LDLRAD4: variants seen among roughly 807,000 people sequenced by gnomAD.
LDLRAD4 encodes the protein low-density lipoprotein receptor class A domain-containing protein 4.
Under a neutral mutation model 17.0 loss-of-function variants are expected in LDLRAD4, and 5 were observed. That is an observed-to-expected ratio of 0.29 (90% CI 0.15 to 0.62). The LOEUF (loss-of-function observed/expected upper bound fraction) is 0.62. Ranked by LOEUF, LDLRAD4 falls within the 20% of genes least tolerant of loss-of-function variation. The probability of loss-of-function intolerance (pLI) is 0.84; values close to 1 mark genes in which losing one functional copy is unlikely to be tolerated. For synonymous variants in LDLRAD4, 168 were observed against 171.8 expected, an observed-to-expected ratio of 0.98 and a Z score of 0.17; for missense variants, 340 against 424.7, an observed-to-expected ratio of 0.80 and a Z score of 1.75.
chr18:13,647,563 C>T (rs770159384), exon 6 of LDLRAD4: 2 of 152,290 alleles, frequency 1.3e-5, no homozygotes, highest in African/African-American at 4.8e-5. Flanking sequence ...AGAGACTGTT[C>T]CAAACCCCAA....
intron 3 of LDLRAD4, among the ~76,000 whole-genome samples, chr18:13,474,147 C>G (rs1339489495): frequency 6.6e-6 from 1 of 152,274 alleles, no homozygotes; most frequent in East Asian, 1.9e-4. Flanking sequence ...TTGGAAGCTT[C>G]CTGAGGCTTC....
chr18:13,297,694 GGAGGCCGA>G, intron 1 of LDLRAD4, among the ~76,000 whole-genome samples: 1 of 152,208 alleles, frequency 6.6e-6, no homozygotes, highest in Non-Finnish European at 1.5e-5. Context: ...CAGCTACTTG[GGAGGCCGA>G]GACAGGAGGA....
chr18:13,455,593 T>G (rs1224028949), intron 3 of LDLRAD4, among the ~76,000 whole-genome samples: 1 of 152,108 alleles, frequency 6.6e-6, no homozygotes, highest in South Asian at 2.1e-4. Context: ...TCATTCCCTC[T>G]GATGAGCTGG....
At chr18:13,418,619 A>G (rs2089158567) in intron 2 of LDLRAD4, among the ~76,000 whole-genome samples, 1 of 152,246 alleles carries the variant, frequency 6.6e-6, no homozygotes, top group African/African-American at 2.4e-5. Context: ...GGCACATTGC[A>G]TGTTGTGACA....
At chr18:13,598,995 T>A (rs946772283) in intron 3 of LDLRAD4, among the ~76,000 whole-genome samples, 2 of 152,178 alleles carry the variant, frequency 1.3e-5, no homozygotes, top group Admixed American at 1.3e-4. Flanking sequence ...TAGCCTGCCA[T>A]TCCTCGGATA....
chr18:13,431,773 A>G (rs564601513), intron 2 of LDLRAD4, among the ~76,000 whole-genome samples: 2 of 152,324 alleles, frequency 1.3e-5, no homozygotes, highest in African/African-American at 4.8e-5. Flanking sequence ...ATCATGTCAT[A>G]TTCATCTTTC....
chr18:13,407,030 C>T (rs1365178661), intron 2 of LDLRAD4, among the ~76,000 whole-genome samples: 42 of 152,306 alleles, frequency 2.8e-4, no homozygotes, highest in African/African-American at 7.2e-5. Flanking sequence ...AAACTTAGCA[C>T]GGCGTGGCGG....
chr18:13,643,464 G>GGGGGGGGGGGA, intron 5 of LDLRAD4, 52 bp downstream of exon 6: 1 of 288,994 alleles, frequency 3.5e-6, no homozygotes. Flanking sequence ...GGTGGGTGGG[G>GGGGGGGGGGGA]ATGAAGGGGG....
chr18:13,429,238 A>G (rs1037405669), intron 2 of LDLRAD4, among the ~76,000 whole-genome samples: 6 of 152,204 alleles, frequency 3.9e-5, no homozygotes, highest in Admixed American at 3.9e-4. Context: ...GGACCTGGCC[A>G]GGCGGTGTTG....
At chr18:13,272,588 C>T (rs780183894) in intron 1 of LDLRAD4, among the ~76,000 whole-genome samples, 4 of 152,254 alleles carry the variant, frequency 2.6e-5, no homozygotes, top group Non-Finnish European at 5.9e-5. Flanking sequence ...CACCCCATGC[C>T]GCGTGCTCCG....
chr18:13,532,274 A>G (rs974877329), intron 3 of LDLRAD4, among the ~76,000 whole-genome samples: 6 of 152,236 alleles, frequency 3.9e-5, no homozygotes, highest in African/African-American at 1.2e-4. Flanking sequence ...CTTCTGGAGT[A>G]TGTATTATTC....
chr18:13,333,477 G>C (rs1299947515), intron 1 of LDLRAD4, among the ~76,000 whole-genome samples: 7 of 152,134 alleles, frequency 4.6e-5, no homozygotes, highest in Non-Finnish European at 1.0e-4. Flanking sequence ...TTGAATCTAA[G>C]AAATTGTTGC....
intron 3 of LDLRAD4, among the ~76,000 whole-genome samples, chr18:13,546,424 A>G (rs564250239): frequency 7.7e-6 from 1 of 130,060 alleles, no homozygotes; most frequent in South Asian, 2.4e-4. Context: ...GCTGGAGTGC[A>G]GTGGTGCAAT....
chr18:13,576,186 G>A (rs1473773789), intron 3 of LDLRAD4, among the ~76,000 whole-genome samples: 1 of 152,160 alleles, frequency 6.6e-6, no homozygotes, highest in Non-Finnish European at 1.5e-5. Context: ...CACTTTGGGA[G>A]GCCAAGACGG....
chr18:13,374,912 C>T (rs73953224), intron 1 of LDLRAD4, among the ~76,000 whole-genome samples: 6,550 of 152,230 alleles, frequency 0.043, 421 homozygotes, highest in African/African-American at 0.14. Flanking sequence ...GTGTAGGTGC[C>T]GTCTGCAGCC....
upstream of LDLRAD4, among the ~76,000 whole-genome samples, chr18:13,275,456 A>T (rs1041925714): frequency 3.9e-5 from 6 of 152,212 alleles, no homozygotes; most frequent in Non-Finnish European, 7.3e-5. Flanking sequence ...TATGGGCTCT[A>T]CTCTGAAGGC....
At chr18:13,290,203 C>T (rs1023722205) in intron 1 of LDLRAD4, among the ~76,000 whole-genome samples, 1 of 152,224 alleles carries the variant, frequency 6.6e-6, no homozygotes, top group Non-Finnish European at 1.5e-5. Context: ...CCATAATTCT[C>T]AGGGTCCTCA....
At chr18:13,369,114 T>A (rs1024754796) in intron 1 of LDLRAD4, among the ~76,000 whole-genome samples, 1 of 152,202 alleles carries the variant, frequency 6.6e-6, no homozygotes, top group African/African-American at 2.4e-5. Flanking sequence ...GGGAACTGGC[T>A]ATGGGAGGAC....
intron 3 of LDLRAD4, among the ~76,000 whole-genome samples, chr18:13,592,608 C>A (rs914238175): frequency 1.7e-4 from 26 of 152,306 alleles, no homozygotes; most frequent in Admixed American, 7.8e-4. Flanking sequence ...AAGCCTGGTT[C>A]TATGTGGTCA....
Sources: allele counts gnomAD v4.1 joint callset (sites outside exome capture counted in the v4.1 genomes callset), GRCh38; gene constraint gnomAD v4.1.1; transcripts MANE v1.5; gene names NCBI Gene and HGNC (gene_info 2026-07-23, HGNC 2026-07-21).